The following RBFOX1 variants were observed in gnomAD, a reference collection of about 807,000 sequenced individuals.
RBFOX1 encodes RNA binding protein fox-1 homolog 1.
Under a neutral mutation model 57.7 loss-of-function variants are expected in RBFOX1, and 8 were observed. That is an observed-to-expected ratio of 0.14 (90% confidence interval 0.08 to 0.25). RBFOX1 has a LOEUF of 0.25. Ranked by LOEUF, RBFOX1 falls within the 10% of genes least tolerant of loss-of-function variation. The pLI is 1.00. For missense variants in RBFOX1, 611 were observed against 548.5 expected, an observed-to-expected ratio of 1.11 and a Z score of -1.14; for synonymous variants, 326 against 222.4, an observed-to-expected ratio of 1.47 and a Z score of -4.15.
chr16:5,332,318 A>G (rs1471791338), intron 1 of RBFOX1, among the ~76,000 whole-genome samples: 3 of 152,072 alleles, frequency 2.0e-5, no homozygotes, highest in Non-Finnish European at 4.4e-5. Flanking sequence ...CCCAGGCTGG[A>G]GTGCAGTGGT....
chr16:6,611,955 A>C (rs540631840), intron 2 of RBFOX1, among the ~76,000 whole-genome samples: 1 of 151,644 alleles, frequency 6.6e-6, no homozygotes, highest in African/African-American at 2.4e-5. Flanking sequence ...CTCTTCCTCA[A>C]TTCTGTTACC....
chr16:7,282,177 C>G (rs751956034), intron 4 of RBFOX1, among the ~76,000 whole-genome samples: 2 of 152,106 alleles, frequency 1.3e-5, no homozygotes, highest in African/African-American at 4.8e-5. Context: ...AAAGCGATGT[C>G]TGAAAAGGGA....
intron 2 of RBFOX1, among the ~76,000 whole-genome samples, chr16:6,497,753 C>T (rs1157903570): frequency 6.6e-6 from 1 of 151,954 alleles, no homozygotes; most frequent in Non-Finnish European, 1.5e-5. Flanking sequence ...GACAGGGTTT[C>T]ACCATATTAG....
intron 2 of RBFOX1, among the ~76,000 whole-genome samples, chr16:6,420,125 T>C (rs1197033528): frequency 6.6e-6 from 1 of 152,172 alleles, no homozygotes; most frequent in Non-Finnish European, 1.5e-5. Flanking sequence ...AAAGCCTCAG[T>C]GTCCTTTTCT....
chr16:5,840,185 A>T (rs1344949343), intron 3 of RBFOX1, among the ~76,000 whole-genome samples: 1 of 152,240 alleles, frequency 6.6e-6, no homozygotes, highest in Non-Finnish European at 1.5e-5. Context: ...ACACTGAGTC[A>T]CAAACCCAGT....
At chr16:7,601,707 G>A (rs1568035693) in intron 9 of RBFOX1, among the ~76,000 whole-genome samples, 2 of 152,176 alleles carry the variant, frequency 1.3e-5, no homozygotes, top group Admixed American at 6.5e-5. Flanking sequence ...ATGGGGAGCA[G>A]TGGTAAATGT....
At chr16:6,839,637 A>G (rs1274894848) in intron 3 of RBFOX1, among the ~76,000 whole-genome samples, 1 of 152,194 alleles carries the variant, frequency 6.6e-6, no homozygotes, top group Non-Finnish European at 1.5e-5. Flanking sequence ...ATTAGCTGTG[A>G]GACACACAGC....
chr16:5,855,615 G>C (rs910767092), intron 3 of RBFOX1, among the ~76,000 whole-genome samples: 2 of 152,058 alleles, frequency 1.3e-5, no homozygotes, highest in Non-Finnish European at 2.9e-5. Context: ...TACTGTTTTG[G>C]TTACTGTTCC....
intron 3 of RBFOX1, among the ~76,000 whole-genome samples, chr16:6,931,454 A>G (rs916063002): frequency 6.6e-6 from 1 of 152,102 alleles, no homozygotes; most frequent in Admixed American, 6.6e-5. Flanking sequence ...TTGGACCAGC[A>G]TCTCTGCAGG....
chr16:7,200,890 C>A (rs1298439813), intron 4 of RBFOX1, among the ~76,000 whole-genome samples: 1 of 152,050 alleles, frequency 6.6e-6, no homozygotes, highest in Admixed American at 6.6e-5. Context: ...TTGGTGGAAT[C>A]TATGTTCTAA....
chr16:7,446,229 C>T (rs568578061), intron 4 of RBFOX1, among the ~76,000 whole-genome samples: 1 of 152,148 alleles, frequency 6.6e-6, no homozygotes, highest in Non-Finnish European at 1.5e-5. Context: ...TTGAGTCTCC[C>T]CAGACCCATG....
intron 2 of RBFOX1, among the ~76,000 whole-genome samples, chr16:6,451,306 A>G (rs1286826796): frequency 1.3e-5 from 2 of 152,152 alleles, no homozygotes; most frequent in Non-Finnish European, 2.9e-5. Flanking sequence ...AAGTATCAAC[A>G]TTAGGAATAG....
At chr16:7,010,069 C>G (rs1158851003) in intron 3 of RBFOX1, among the ~76,000 whole-genome samples, 2 of 151,946 alleles carry the variant, frequency 1.3e-5, no homozygotes, top group Admixed American at 6.6e-5. Context: ...TGGGAGAATT[C>G]AAATTTAGTT....
intron 3 of RBFOX1, among the ~76,000 whole-genome samples, chr16:5,704,969 C>G (rs1048424170): frequency 1.3e-5 from 2 of 152,154 alleles, no homozygotes; most frequent in Non-Finnish European, 1.5e-5. Context: ...ACCTGCTCAT[C>G]TCCAAGGGCA....
intron 3 of RBFOX1, among the ~76,000 whole-genome samples, chr16:5,854,780 A>G (rs772299970): frequency 6.6e-6 from 1 of 152,084 alleles, no homozygotes; most frequent in Non-Finnish European, 1.5e-5. Context: ...TGATAGTTCT[A>G]GTTTTTTTTT....
At chr16:6,472,548 AGT>A (rs1209285055) in intron 2 of RBFOX1, among the ~76,000 whole-genome samples, 1 of 151,998 alleles carries the variant, frequency 6.6e-6, no homozygotes, top group African/African-American at 2.4e-5. Flanking sequence ...ATTTGGGGAA[AGT>A]GTGAGTCATC....
At chr16:6,621,014 G>T (rs76190208) in intron 2 of RBFOX1, among the ~76,000 whole-genome samples, 11,576 of 152,224 alleles carry the variant, frequency 0.076, 603 homozygotes, top group African/African-American at 0.13. Flanking sequence ...AGGCTTGGAA[G>T]GAGAATCTGA....
At chr16:7,203,941 T>C (rs78042198) in intron 4 of RBFOX1, among the ~76,000 whole-genome samples, 4 of 152,264 alleles carry the variant, frequency 2.6e-5, no homozygotes, top group Non-Finnish European at 4.4e-5. Flanking sequence ...GATTTGCATC[T>C]GCTTTACATA....
chr16:5,759,111 C>G (rs2053499860), intron 3 of RBFOX1, among the ~76,000 whole-genome samples: 2 of 152,130 alleles, frequency 1.3e-5, no homozygotes, highest in Admixed American at 1.3e-4. Flanking sequence ...GAACATGCTT[C>G]CTTTCTTCAC....
Sources: allele counts gnomAD v4.1 joint callset (sites outside exome capture counted in the v4.1 genomes callset), GRCh38; gene constraint gnomAD v4.1.1; transcripts MANE v1.5; gene names NCBI Gene and HGNC (gene_info 2026-07-23, HGNC 2026-07-21).